Variants in BPTF observed in about 807,000 individuals in gnomAD.
The protein encoded by BPTF is bromodomain PHD finger transcription factor.
Under a neutral mutation model 292.5 loss-of-function variants are expected in BPTF, and 18 were observed. The ratio of observed to expected loss-of-function variants is 0.06; its 90% CI spans 0.04 to 0.09. The LOEUF is 0.09. Among genes scored for constraint, BPTF ranks in the 10% least tolerant of loss-of-function variants. BPTF has a pLI of 1.00. For synonymous variants in BPTF, 1,225 were observed against 1,251.9 expected (o/e 0.98, Z 0.45); for missense variants, 2,726 against 3,498.7 (o/e 0.78, Z 5.57).
rs199648024 is a variant in BPTF, at chr17:67,940,463, A to G, written c.6284A>G (p.Gln2095Arg). ...QPGAPQQVMT[Q>R]IIRGQPVSTA... The stretch of plus-strand genomic sequence containing the variant: ...GGTGCTCCTCAGCAAGTGATGACTC[A>G]AATCATCAGGGGGCAGCCTGTCTCC... The change falls in exon 19 of 28, where the codon CAA (glutamine) becomes CGA (arginine). Residue 2095 changes from glutamine (Q) to arginine (R), a missense_variant. Physicochemically the swap from Gln to Arg is conservative, Grantham distance 43. Transcript: ENST00000306378. 9 of 1,614,112 alleles carry G rather than the reference A, an allele frequency of 5.6e-6. No homozygotes were observed. The East Asian group carries it at 1.3e-4, about 24-fold the overall frequency.
chr17:67,897,290 G>T (rs763759283), intron 7 of BPTF, among the ~76,000 whole-genome samples: 20 of 129,974 alleles, frequency 1.5e-4, no homozygotes, highest in Non-Finnish European at 2.0e-4. Context: ...GCGGTGAGCC[G>T]AGATCATGCC....
chr17:67,839,354 G>T (rs11079706), intron 1 of BPTF, among the ~76,000 whole-genome samples: 30,904 of 151,460 alleles, frequency 0.2, 3,952 homozygotes, highest in East Asian at 0.66. Context: ...ATCAGCTATG[G>T]CTATTGTATT....
intron 24 of BPTF, 35 bp from the exon 25 acceptor site, chr17:67,964,177 G>A (rs782212832): frequency 3.8e-6 from 6 of 1,590,186 alleles, no homozygotes; most frequent in Non-Finnish European, 5.2e-6. Flanking sequence ...CATCCCATGT[G>A]TTTTGAACTC....
intron 1 of BPTF, among the ~76,000 whole-genome samples, chr17:67,826,579 C>T (rs2056068299): frequency 1.9e-5 from 1 of 52,654 alleles, no homozygotes; most frequent in Non-Finnish European, 6.3e-5. Flanking sequence ...CTCGCTCTCT[C>T]TCCCCCCCCC....
chr17:67,894,372 A>G (rs2061313114), intron 7 of BPTF, among the ~76,000 whole-genome samples: 1 of 151,950 alleles, frequency 6.6e-6, no homozygotes, highest in African/African-American at 2.4e-5. Context: ...ACTGTTGCCC[A>G]GGCTAGCATG....
At chr17:67,838,541 A>G (rs1315579755) in intron 1 of BPTF, among the ~76,000 whole-genome samples, 1 of 152,198 alleles carries the variant, frequency 6.6e-6, no homozygotes, top group Admixed American at 6.5e-5. Context: ...CAGTGGCACA[A>G]TCTTGGCTCA....
intron 2 of BPTF, among the ~76,000 whole-genome samples, chr17:67,865,648 A>G (rs1054903645): frequency 2.6e-5 from 4 of 152,240 alleles, no homozygotes; most frequent in African/African-American, 9.6e-5. Flanking sequence ...AGTGCCTCAC[A>G]CATACTCTTG....
In BPTF at chr17:67,866,676, C is replaced by T. The variant is rs138297396; in HGVS notation, c.1649C>T (p.Ala550Val). Residue 550 changes from alanine to valine, a missense_variant, in exon 3 of 28, where the codon GCG becomes GTG. By Grantham distance (64) the Ala-to-Val change is moderately conservative. This residue lies in a region of BPTF where 187 missense variants were observed against 201.5 expected (regional missense o/e 0.93). Coordinates refer to ENST00000306378, the MANE Select transcript of BPTF (RefSeq NM_182641.4). Reference sequence around the variant, plus strand: ...CGGGGCAGTAACAAATCCTTTCTGGCGGCAGCTAATGGTGAGAGGGGCATT... The same window carrying T: ...CGGGGCAGTAACAAATCCTTTCTGGTGGCAGCTAATGGTGAGAGGGGCATT... The part of the protein sequence containing the change: ...KARGSNKSFL[A>V]AANEEILESI... The T allele has an allele frequency of 2.0e-4, 326 of 1,612,574 alleles. 7 individuals are homozygous for T. The South Asian group carries it at 3.3e-3, about 16-fold the overall frequency.
intron 1 of BPTF, among the ~76,000 whole-genome samples, chr17:67,838,950 A>G (rs1301942433): frequency 6.6e-6 from 1 of 152,156 alleles, no homozygotes; most frequent in Admixed American, 6.5e-5. Flanking sequence ...TTAGCCACCT[A>G]TTCTTTTTTC....
Position 67,964,465 on chromosome 17 carries a change from T to C in BPTF, c.8454+61T>C, listed in dbSNP as rs143813665. On this transcript the variant is annotated intron_variant, in intron 25 of 27. Transcript: ENST00000306378. ...ATCAGCCAGCATAATTTTGGAAGCA[T>C]TTCTAGGATTTCAAGTTTCCAATCT... 356 of 1,504,404 alleles carry C rather than the reference T, an allele frequency of 2.4e-4. 1 individual carries two copies. The African/African-American group carries it at 4.1e-3, about 17-fold the overall frequency. The allele number at this position is 1,504,404 out of a possible 1,614,324, so 93.2% of individuals were successfully genotyped here.
intron 21 of BPTF, among the ~76,000 whole-genome samples, chr17:67,947,196 A>G (rs1317474489): frequency 2.6e-5 from 4 of 152,210 alleles, no homozygotes; most frequent in African/African-American, 9.7e-5. Context: ...TAGTATTCTT[A>G]TGAAAATGAC....
chr17:67,963,532 T>C, intron 24 of BPTF: 1 of 1,379,222 alleles, frequency 7.3e-7, no homozygotes, highest in Non-Finnish European at 9.4e-7. Context: ...AGCATCATAT[T>C]TAATAATTTA....
intron 14 of BPTF, among the ~76,000 whole-genome samples, chr17:67,923,574 C>G (rs541685381): frequency 7.0e-6 from 1 of 142,528 alleles, no homozygotes; most frequent in Non-Finnish European, 1.5e-5. Flanking sequence ...CCTCTGCCTC[C>G]TGGGCTCAAG....
chr17:67,964,525 G>A lies in BPTF; in HGVS notation c.8454+121G>A, dbSNP rs1222741567. ...TATTTACTGACTCCCAGCTAGTCTAGTGAAGTGCCTAACAAACTGCAGTCC... is the reference window on the plus strand; with the variant it reads ...TATTTACTGACTCCCAGCTAGTCTAATGAAGTGCCTAACAAACTGCAGTCC... On this transcript the variant is annotated intron_variant, in intron 25 of 27. Transcript: ENST00000306378. 9 of 1,211,934 alleles carry A rather than the reference G, an allele frequency of 7.4e-6. No individual in the cohort carries two copies. The East Asian group carries it at 1.0e-4, about 14-fold the overall frequency. The allele number at this position is 1,211,934 out of a possible 1,614,324, so 75.1% of individuals were successfully genotyped here. A position where few individuals can be genotyped will look rare whatever the true frequency, so the allele number is the denominator to read the frequency against.
At chr17:67,934,644 C>T (rs898320021) in intron 18 of BPTF, among the ~76,000 whole-genome samples, 3 of 150,916 alleles carry the variant, frequency 2.0e-5, no homozygotes, top group Non-Finnish European at 3.0e-5. Context: ...GGGAGGCCGG[C>T]GGGTGGATCA....
At chr17:67,953,983 TTTTTTTTTTTTTTTTTTTTG>T (rs2066667926) in intron 23 of BPTF, among the ~76,000 whole-genome samples, 1 of 67,396 alleles carries the variant, frequency 1.5e-5, no homozygotes, top group African/African-American at 6.3e-5. Flanking sequence ...TTTTTTTTTT[TTTTTTTTTTTTTTTTTTTTG>T]AGAAGCAGGG....
chr17:67,833,072 C>T (rs896401525), intron 1 of BPTF, among the ~76,000 whole-genome samples: 1 of 151,872 alleles, frequency 6.6e-6, no homozygotes, highest in African/African-American at 2.4e-5. Flanking sequence ...GCTGGGATTA[C>T]AGGCGTGAGC....
chr17:67,903,810 T>G lies in BPTF; in HGVS notation c.2565T>G (p.Ile855Met), dbSNP rs2062007127. ...GHTRLHRMTS[I>M]EREEKEKVKK... ...TTAGGTTACACCGGATGACATCAAT[T>G]GAAAGAGAAGAAAAGGAGAAAGTCA... Residue 855 changes from isoleucine to methionine, a missense_variant, in exon 8 of 28, where the codon ATT becomes ATG. This residue lies in a region of BPTF where 99 missense variants were observed against 227.1 expected (regional missense o/e 0.44). Transcript: ENST00000306378. The G allele has an allele frequency of 6.3e-7, 1 of 1,574,986 alleles. No individual in the cohort carries two copies. Among genetic ancestry groups the G allele is most frequent in the Non-Finnish European group, 8.6e-7 (1 of 1,166,574 alleles).
At chr17:67,845,388 A>G (rs768703372) in intron 1 of BPTF, among the ~76,000 whole-genome samples, 5 of 152,154 alleles carry the variant, frequency 3.3e-5, no homozygotes, top group Admixed American at 6.5e-5. Context: ...TTCTTTGTTA[A>G]TTATCTGGCA....
Sources: allele counts gnomAD v4.1 joint callset (sites outside exome capture counted in the v4.1 genomes callset), GRCh38; gene constraint gnomAD v4.1.1; regional missense constraint gnomAD v4.1.1; transcripts MANE v1.5; gene names NCBI Gene and HGNC (gene_info 2026-07-23, HGNC 2026-07-21).